The following SLC25A21 variants were observed in gnomAD, a reference collection of about 807,000 sequenced individuals.
The protein encoded by SLC25A21 is mitochondrial 2-oxodicarboxylate carrier.
A neutral mutation model predicts 43.8 loss-of-function variants in SLC25A21; 47 were observed. That is an observed-to-expected ratio of 1.07 (90% confidence interval 0.85 to 1.37). The LOEUF (loss-of-function observed/expected upper bound fraction) is 1.37, where lower values mean the gene tolerates loss of function less well. Ranked by LOEUF, SLC25A21 falls within the 40% of genes most tolerant of loss-of-function variation. The pLI, the probability that SLC25A21 is intolerant of heterozygous loss-of-function variation, is 0.00. For synonymous variants in SLC25A21, 131 were observed against 121.3 expected (o/e 1.08, Z -0.52); for missense variants, 352 against 350.2 (o/e 1.00, Z -0.04).
intron 3 of SLC25A21, among the ~76,000 whole-genome samples, chr14:36,737,485 T>C (rs1174232466): frequency 2.0e-5 from 3 of 152,100 alleles, no homozygotes; most frequent in Non-Finnish European, 4.4e-5. Context: ...AGCTTCCAAA[T>C]TGAGAATGAG....
intron 1 of SLC25A21, among the ~76,000 whole-genome samples, chr14:36,916,504 T>C (rs1891836450): frequency 6.6e-6 from 1 of 152,204 alleles, no homozygotes; most frequent in Non-Finnish European, 1.5e-5. Flanking sequence ...TTAAATCCAC[T>C]ATTTAACAAC....
At chr14:36,868,359 C>T (rs1890271778) in intron 2 of SLC25A21, among the ~76,000 whole-genome samples, 1 of 152,090 alleles carries the variant, frequency 6.6e-6, no homozygotes, top group Non-Finnish European at 1.5e-5. Context: ...TCAAAGGAGA[C>T]CTTGATTCTA....
At chr14:37,095,816 A>ACC (rs1962680119) in intron 1 of SLC25A21, among the ~76,000 whole-genome samples, 1 of 34,732 alleles carries the variant, frequency 2.9e-5, no homozygotes, top group Non-Finnish European at 9.3e-5. Context: ...ACACACGCGC[A>ACC]CGCACACACA....
intron 1 of SLC25A21, among the ~76,000 whole-genome samples, chr14:36,980,423 T>A (rs1296726413): frequency 6.6e-6 from 1 of 152,240 alleles, no homozygotes; most frequent in Non-Finnish European, 1.5e-5. Context: ...AGTCCCATAT[T>A]TCTTGGAGGC....
chr14:37,041,578 G>A (rs2138784596), intron 1 of SLC25A21, among the ~76,000 whole-genome samples: 1 of 152,290 alleles, frequency 6.6e-6, no homozygotes, highest in East Asian at 1.9e-4. Flanking sequence ...TATTTCTGTT[G>A]AGTAAGAGCA....
intron 1 of SLC25A21, among the ~76,000 whole-genome samples, chr14:37,033,765 G>A (rs756336175): frequency 1.4e-4 from 21 of 152,260 alleles, no homozygotes; most frequent in Non-Finnish European, 2.8e-4. Flanking sequence ...TGGGAAGAGG[G>A]TACGTGGATG....
intron 1 of SLC25A21, among the ~76,000 whole-genome samples, chr14:36,876,042 A>C (rs527783080): frequency 3.3e-5 from 5 of 152,310 alleles, no homozygotes; most frequent in Admixed American, 3.3e-4. Context: ...CTTTCCTTTA[A>C]GATAAGAAAA....
chr14:36,703,661 G>T (rs962382681), intron 7 of SLC25A21, among the ~76,000 whole-genome samples: 14 of 152,184 alleles, frequency 9.2e-5, no homozygotes, highest in African/African-American at 3.1e-4. Flanking sequence ...ATTAGCTTTA[G>T]ACAGCTGTTT....
chr14:37,098,770 C>CAGATAGAT lies in SLC25A21; in HGVS notation c.70+73510_70+73511insATCTATCT, dbSNP rs1162182121. 1.3e-3 allele frequency among the ~76,000 whole-genome samples: 160 copies of CAGATAGAT among 121,478 alleles called. 1 individual carries two copies. The highest frequency in any genetic ancestry group is 5.6e-3 in the African/African-American group (151 of 27,172). 79.7% of individuals were successfully genotyped at this position (121,478 alleles called of 152,430 possible). On this transcript the variant is annotated intron_variant, in intron 1 of 9. Transcript: ENST00000331299. ...ATAGACAGACAGACAGACAGACAGA[C>CAGATAGAT]AGACAGACAGACAGACAGATAGATA...
intron 7 of SLC25A21, among the ~76,000 whole-genome samples, chr14:36,708,666 G>A (rs994402253): frequency 3.3e-5 from 5 of 151,732 alleles, no homozygotes; most frequent in Non-Finnish European, 5.9e-5. Flanking sequence ...TGAACTCTTA[G>A]CCTCAAGCAA....
chr14:36,909,763 T>C (rs184265979), intron 1 of SLC25A21, among the ~76,000 whole-genome samples: 1 of 152,336 alleles, frequency 6.6e-6, no homozygotes, highest in African/African-American at 2.4e-5. Context: ...TGCCAGTGCA[T>C]CTCTGTCCTG....
chr14:36,905,856 G>A (rs1455025221), intron 1 of SLC25A21, among the ~76,000 whole-genome samples: 1 of 152,176 alleles, frequency 6.6e-6, no homozygotes, highest in Non-Finnish European at 1.5e-5. Flanking sequence ...CGCCAAACCT[G>A]AGAAATGGAT....
intron 3 of SLC25A21, among the ~76,000 whole-genome samples, chr14:36,782,636 T>C (rs1887105490): frequency 2.0e-5 from 3 of 152,208 alleles, no homozygotes. Context: ...TCTATGGATG[T>C]ACCTGTTCCA....
intron 2 of SLC25A21, among the ~76,000 whole-genome samples, chr14:36,874,635 CT>C (rs1396580467): frequency 8.5e-5 from 13 of 152,162 alleles, no homozygotes; most frequent in Non-Finnish European, 1.5e-5. Flanking sequence ...TGAAAATGTG[CT>C]GTCATAATCC....
chr14:36,814,800 C>A (rs1389054727), intron 2 of SLC25A21, among the ~76,000 whole-genome samples: 1 of 152,072 alleles, frequency 6.6e-6, no homozygotes, highest in South Asian at 2.1e-4. Flanking sequence ...ACCATTTGAC[C>A]CAGCAATCCC....
At chr14:36,837,436 G>C (rs938881826) in intron 2 of SLC25A21, among the ~76,000 whole-genome samples, 3 of 152,110 alleles carry the variant, frequency 2.0e-5, no homozygotes, top group Non-Finnish European at 4.4e-5. Flanking sequence ...AGAAGGGGCT[G>C]CGTTTAGGGT....
At chr14:36,978,026 T>C (rs1340711767) in intron 1 of SLC25A21, among the ~76,000 whole-genome samples, 1 of 150,788 alleles carries the variant, frequency 6.6e-6, no homozygotes, top group Admixed American at 6.7e-5. Flanking sequence ...CCATTGGCAA[T>C]AACAAGATCA....
intron 1 of SLC25A21, among the ~76,000 whole-genome samples, chr14:36,900,571 C>T (rs1260553456): frequency 6.6e-6 from 1 of 152,134 alleles, no homozygotes; most frequent in African/African-American, 2.4e-5. Context: ...AATTGCACTT[C>T]ATCTCAAAAA....
chr14:36,803,755 C>T (rs933962228), intron 3 of SLC25A21, among the ~76,000 whole-genome samples: 3 of 152,178 alleles, frequency 2.0e-5, no homozygotes, highest in African/African-American at 7.2e-5. Flanking sequence ...TATATCTTTA[C>T]ATACATTGTG....
Sources: gnomAD v4.1 joint callset for allele counts (sites outside exome capture counted in the v4.1 genomes callset) on GRCh38, gnomAD v4.1.1 for gene constraint, MANE v1.5 for transcripts, NCBI Gene and HGNC (gene_info 2026-07-23, HGNC 2026-07-21) for gene names.